Variants in TRIO observed in about 807,000 individuals in gnomAD.
TRIO encodes trio Rho guanine nucleotide exchange factor.
In TRIO, 58 loss-of-function variants were observed where a neutral mutation model predicts 351.9. The ratio of observed to expected loss-of-function variants is 0.16; its 90% CI spans 0.13 to 0.21. The LOEUF (loss-of-function observed/expected upper bound fraction) is 0.21. Ranked by LOEUF, TRIO falls within the 10% of genes least tolerant of loss-of-function variation. The probability of loss-of-function intolerance (pLI) is 1.00; values close to 1 mark genes in which losing one functional copy is unlikely to be tolerated. For synonymous variants in TRIO, 1,758 were observed against 1,595.7 expected, an observed-to-expected ratio of 1.10 and a Z score of -2.42; for missense variants, 3,201 against 4,027.8, an observed-to-expected ratio of 0.79 and a Z score of 5.56.
rs1351016321 is a variant in TRIO, at chr5:14,390,573, T to C, written c.4128+273T>C. On this transcript the variant is annotated intron_variant, in intron 26 of 56. Coordinates refer to ENST00000344204, the MANE Select transcript of TRIO (RefSeq NM_007118.4). The stretch of plus-strand genomic sequence containing the variant: ...GATTTGCTGATAGGTGAGTTCCCAG[T>C]CCTTCTGGGGGATCGTCTAGTCTAG... 5.5e-6 allele frequency: 3 copies of C among 540,954 alleles called. No homozygotes were observed. In the Admixed American group the frequency reaches 1.1e-4, roughly 19 times the overall value. 33.5% of individuals were successfully genotyped at this position (540,954 alleles called of 1,614,324 possible). A position where few individuals can be genotyped will look rare whatever the true frequency, so the allele number is the denominator to read the frequency against.
chr5:14,387,660 AT>A, intron 22 of TRIO, 28 bp downstream of exon 22: 1 of 1,608,716 alleles, frequency 6.2e-7, no homozygotes, highest in South Asian at 1.1e-5. Context: ...AACTGAATAA[AT>A]TATGGTCTTC....
intron 27 of TRIO, among the ~76,000 whole-genome samples, chr5:14,392,341 C>A (rs1456191865): frequency 1.3e-5 from 2 of 152,130 alleles, no homozygotes; most frequent in African/African-American, 4.8e-5. Flanking sequence ...AACTCATCAT[C>A]ACTGGTCATT....
chr5:14,324,145 T>C (rs924350673), intron 9 of TRIO, among the ~76,000 whole-genome samples: 6 of 152,212 alleles, frequency 3.9e-5, no homozygotes, highest in African/African-American at 1.4e-4. Context: ...ACCAGGTTGT[T>C]AATTTTGGTT....
At chr5:14,442,529 A>G (rs114947949) in intron 34 of TRIO, among the ~76,000 whole-genome samples, 2,537 of 152,318 alleles carry the variant, frequency 0.017, 57 homozygotes, top group African/African-American at 0.058. Context: ...GTGGTTCTCA[A>G]CATCATTTTC....
chr5:14,144,480 A>G (rs1399682261), intron 1 of TRIO, among the ~76,000 whole-genome samples: 1 of 151,980 alleles, frequency 6.6e-6, no homozygotes, highest in Non-Finnish European at 1.5e-5. Context: ...CTCACTGCCC[A>G]GGGAGTGGGG....
intron 11 of TRIO, among the ~76,000 whole-genome samples, chr5:14,343,156 C>T (rs1469980282): frequency 1.3e-5 from 2 of 151,630 alleles, no homozygotes; most frequent in Non-Finnish European, 2.9e-5. Flanking sequence ...AAGCCTCCCA[C>T]AGCGGTAGCA....
chr5:14,234,660 G>A (rs1793664497), intron 1 of TRIO, among the ~76,000 whole-genome samples: 1 of 152,174 alleles, frequency 6.6e-6, no homozygotes, highest in Non-Finnish European at 1.5e-5. Context: ...ACAAGTAAAG[G>A]GAAGCCTTGT....
intron 1 of TRIO, among the ~76,000 whole-genome samples, chr5:14,243,226 C>T (rs894311984): frequency 1.1e-4 from 16 of 152,122 alleles, no homozygotes; most frequent in Admixed American, 9.8e-4. Context: ...ATGTCCTGGT[C>T]CCTGCCTCTG....
chr5:14,324,460 T>C (rs561834979), intron 9 of TRIO, among the ~76,000 whole-genome samples: 1 of 152,340 alleles, frequency 6.6e-6, no homozygotes, highest in East Asian at 1.9e-4. Flanking sequence ...TGTGTGCTCT[T>C]TGGATGCAGA....
chr5:14,495,308 T>C (rs1244603082), intron 49 of TRIO, among the ~76,000 whole-genome samples: 1 of 152,222 alleles, frequency 6.6e-6, no homozygotes, highest in Non-Finnish European at 1.5e-5. Flanking sequence ...TGGAATCTAC[T>C]CCTGGTGAAA....
chr5:14,357,976 T>C (rs1743784590), intron 11 of TRIO, among the ~76,000 whole-genome samples: 1 of 152,172 alleles, frequency 6.6e-6, no homozygotes, highest in Admixed American at 6.5e-5. Flanking sequence ...ATGCTGCTTT[T>C]GTTGTGCATG....
At position 14,337,763 on chromosome 5, in the gene TRIO, G is replaced by A. The variant is rs899589912; in HGVS notation, c.2046+1036G>A. Among the ~76,000 whole-genome samples the A allele has an allele frequency of 3.9e-5, 6 of 152,172 alleles. No homozygotes were observed. The East Asian group carries it at 1.2e-3, about 29-fold the overall frequency. On this transcript the variant is annotated intron_variant, in intron 11 of 56. Transcript: ENST00000344204. ...CAGTCGGGTCATTTGTTGCTGGAAT[G>A]TTTGGACTGCAGGCTTCCCTCTGAA...
chr5:14,371,364 T>C (rs116338657), intron 18 of TRIO, among the ~76,000 whole-genome samples: 1,711 of 152,304 alleles, frequency 0.011, 17 homozygotes, highest in Non-Finnish European at 0.017. Context: ...CTTTTTATTA[T>C]GGGAATTTGA....
At chr5:14,195,556 A>G (rs1409884646) in intron 1 of TRIO, among the ~76,000 whole-genome samples, 1 of 152,200 alleles carries the variant, frequency 6.6e-6, no homozygotes, top group Admixed American at 6.5e-5. Context: ...TCCTCATCAC[A>G]CTTTTACCCA....
At chr5:14,145,620 C>T (rs1355824592) in intron 1 of TRIO, among the ~76,000 whole-genome samples, 1 of 152,056 alleles carries the variant, frequency 6.6e-6, no homozygotes, top group Non-Finnish European at 1.5e-5. Context: ...TCTCTACCTA[C>T]CTGTCACAGA....
At chr5:14,379,507 G>A (rs926808490) in intron 20 of TRIO, among the ~76,000 whole-genome samples, 2 of 152,166 alleles carry the variant, frequency 1.3e-5, no homozygotes, top group African/African-American at 2.4e-5. Flanking sequence ...TGACGTTCCA[G>A]GTGTAGCCAG....
intron 11 of TRIO, among the ~76,000 whole-genome samples, chr5:14,340,134 C>G (rs1479621147): frequency 6.6e-6 from 1 of 152,086 alleles, no homozygotes; most frequent in Non-Finnish European, 1.5e-5. Context: ...GTGATTCACG[C>G]CTGTAATCCC....
At position 14,485,050 on chromosome 5, in the gene TRIO, ATG is replaced by A. The variant is rs1755818108; in HGVS notation, c.6658-17_6658-16del. On this transcript the variant is annotated splice_polypyrimidine_tract_variant and intron_variant, in intron 46 of 56. Transcript: ENST00000344204. ...TTCCACCTGTTAGCTATTATGAATA[ATG>A]TTTTTTTTTTTTTAAGGTGAGTTGC... 6.7e-7 allele frequency: 1 copy of A among 1,490,404 alleles called. No homozygotes were observed. The highest frequency in any genetic ancestry group is 9.1e-7 in the Non-Finnish European group (1 of 1,100,576). 92.3% of individuals were successfully genotyped at this position (1,490,404 alleles called of 1,614,324 possible).
At chr5:14,178,836 T>A (rs1789568769) in intron 1 of TRIO, among the ~76,000 whole-genome samples, 1 of 152,172 alleles carries the variant, frequency 6.6e-6, no homozygotes, top group African/African-American at 2.4e-5. Flanking sequence ...GCACCTCCTG[T>A]CAGTGGTGGT....
Sources: gnomAD v4.1 joint callset for allele counts (sites outside exome capture counted in the v4.1 genomes callset) on GRCh38, gnomAD v4.1.1 for gene constraint, MANE v1.5 for transcripts, NCBI Gene and HGNC (gene_info 2026-07-23, HGNC 2026-07-21) for gene names.